The following FAM168A variants were observed in gnomAD, a reference collection of about 807,000 sequenced individuals.
FAM168A encodes the protein family with sequence similarity 168 member A.
FAM168A carries 3 observed loss-of-function variants against 28.5 expected under a neutral mutation model. The ratio of observed to expected loss-of-function variants is 0.11; its 90% CI spans 0.05 to 0.27. The LOEUF is 0.27. FAM168A is among the 10% of genes least tolerant of loss of function. The probability of loss-of-function intolerance (pLI) is 1.00; values close to 1 mark genes in which losing one functional copy is unlikely to be tolerated. For synonymous variants in FAM168A, 122 were observed against 124.2 expected (o/e 0.98, Z 0.12); for missense variants, 222 against 311.5 (o/e 0.71, Z 2.16).
chr11:73,419,105 C>T (rs7931840), intron 4 of FAM168A, among the ~76,000 whole-genome samples: 9,447 of 152,146 alleles, frequency 0.062, 871 homozygotes, highest in African/African-American at 0.2. Context: ...CCACCGCGCC[C>T]GGCTGCCACT....
At chr11:73,589,128 C>T (rs1202011788) in intron 1 of FAM168A, among the ~76,000 whole-genome samples, 5 of 152,106 alleles carry the variant, frequency 3.3e-5, no homozygotes, top group Non-Finnish European at 7.3e-5. Context: ...GGTATGGCAG[C>T]CAGAGCAGAC....
intron 1 of FAM168A, among the ~76,000 whole-genome samples, chr11:73,544,940 GTAATATA>G (rs1235933227): frequency 1.4e-5 from 1 of 72,056 alleles, no homozygotes; most frequent in African/African-American, 8.4e-5. Flanking sequence ...AATATATTAT[GTAATATA>G]TAATATATTA....
At chr11:73,485,857 G>A in intron 1 of FAM168A, among the ~76,000 whole-genome samples, 2 of 152,202 alleles carry the variant, frequency 1.3e-5, no homozygotes, top group African/African-American at 4.8e-5. Context: ...TTAATAAAAA[G>A]GGTCTCTGGT....
At chr11:73,517,743 A>G (rs1943324162) in intron 1 of FAM168A, among the ~76,000 whole-genome samples, 1 of 152,214 alleles carries the variant, frequency 6.6e-6, no homozygotes, top group Non-Finnish European at 1.5e-5. Flanking sequence ...ACTTTTTGAA[A>G]TACCCAATAT....
At chr11:73,502,101 G>GAA (rs374810262) in intron 1 of FAM168A, among the ~76,000 whole-genome samples, 6 of 56,510 alleles carry the variant, frequency 1.1e-4, no homozygotes, top group South Asian at 5.6e-4. Flanking sequence ...GCTTTGTCTC[G>GAA]AAAAAAAAAA....
At chr11:73,543,512 C>T (rs1371915510) in intron 1 of FAM168A, among the ~76,000 whole-genome samples, 2 of 152,114 alleles carry the variant, frequency 1.3e-5, no homozygotes, top group African/African-American at 2.4e-5. Context: ...CCACCCACCT[C>T]GGTCTCCCAA....
At chr11:73,411,214 G>C (rs576904704) in intron 5 of FAM168A, among the ~76,000 whole-genome samples, 180 bp downstream of exon 5, 13 of 152,336 alleles carry the variant, frequency 8.5e-5, no homozygotes, top group Admixed American at 4.6e-4. Flanking sequence ...TCTAGGGGCT[G>C]AGGTGGAGTG....
chr11:73,582,387 G>A (rs1944259000), intron 1 of FAM168A, among the ~76,000 whole-genome samples: 3 of 151,984 alleles, frequency 2.0e-5, no homozygotes, highest in Admixed American at 2.0e-4. Flanking sequence ...GCCAGGCGTG[G>A]AGGCACACAC....
chr11:73,570,757 G>A (rs1489016748), intron 1 of FAM168A, among the ~76,000 whole-genome samples: 3 of 149,296 alleles, frequency 2.0e-5, no homozygotes. Flanking sequence ...GACAAGACAA[G>A]AAAAGAAAAA....
At chr11:73,438,687 C>T (rs1215529554) in intron 2 of FAM168A, among the ~76,000 whole-genome samples, 2 of 152,080 alleles carry the variant, frequency 1.3e-5, no homozygotes, top group Non-Finnish European at 2.9e-5. Context: ...AAAAACTACT[C>T]TGGCGGCAGA....
chr11:73,570,960 G>C (rs1376689012), intron 1 of FAM168A, among the ~76,000 whole-genome samples: 1 of 152,106 alleles, frequency 6.6e-6, no homozygotes, highest in African/African-American at 2.4e-5. Flanking sequence ...AGATGCCTAA[G>C]TATGTTCTTA....
chr11:73,422,708 A>C (rs1398829681), intron 3 of FAM168A, among the ~76,000 whole-genome samples: 1 of 152,268 alleles, frequency 6.6e-6, no homozygotes, highest in African/African-American at 2.4e-5. Flanking sequence ...AGGCATATAC[A>C]TATGTAAAGA....
At chr11:73,591,582 T>C (rs1565311599) in intron 1 of FAM168A, among the ~76,000 whole-genome samples, 1 of 152,196 alleles carries the variant, frequency 6.6e-6, no homozygotes, top group African/African-American at 2.4e-5. Flanking sequence ...TGATCATAGC[T>C]CACTGTAGCC....
At chr11:73,424,929 G>T in intron 3 of FAM168A, 1 of 1,076,674 alleles carries the variant, frequency 9.3e-7, no homozygotes, top group South Asian at 1.6e-5. Context: ...CTAGGGGATG[G>T]GATTTGGGGA....
intron 4 of FAM168A, chr11:73,412,233 C>T (rs1307667873): frequency 6.6e-6 from 1 of 152,332 alleles, no homozygotes; most frequent in Non-Finnish European, 1.5e-5. Flanking sequence ...TGCTGAAAAA[C>T]TTTGCTCTGC....
At chr11:73,572,145 C>T (rs190429992) in intron 1 of FAM168A, among the ~76,000 whole-genome samples, 2,218 of 151,786 alleles carry the variant, frequency 0.015, 33 homozygotes, top group African/African-American at 0.042. Flanking sequence ...GCAGCCACCC[C>T]GTCCGGGAGG....
intron 1 of FAM168A, among the ~76,000 whole-genome samples, chr11:73,555,471 G>A (rs574737707): frequency 4.8e-4 from 73 of 152,162 alleles, no homozygotes; most frequent in Admixed American, 1.2e-3. Context: ...TTGGGAGGTC[G>A]AGGCGGGTGG....
At chr11:73,532,898 T>C (rs1943531621) in intron 1 of FAM168A, among the ~76,000 whole-genome samples, 1 of 152,230 alleles carries the variant, frequency 6.6e-6, no homozygotes, top group African/African-American at 2.4e-5. Context: ...TTAATCTCTC[T>C]GAACTTCAAT....
At chr11:73,431,121 A>G (rs976582777) in intron 2 of FAM168A, among the ~76,000 whole-genome samples, 1 of 152,102 alleles carries the variant, frequency 6.6e-6, no homozygotes, top group Non-Finnish European at 1.5e-5. Context: ...AGGCGGGTGG[A>G]TCACGAGGTC....
Sources: allele counts gnomAD v4.1 joint callset (sites outside exome capture counted in the v4.1 genomes callset), GRCh38; gene constraint gnomAD v4.1.1; transcripts MANE v1.5; gene names NCBI Gene and HGNC (gene_info 2026-07-23, HGNC 2026-07-21).